Variants in CBL observed in about 807,000 individuals in gnomAD.
CBL encodes the protein E3 ubiquitin-protein ligase CBL.
Under a neutral mutation model 96.9 loss-of-function variants are expected in CBL, and 45 were observed. That is an observed-to-expected ratio of 0.46 (90% confidence interval 0.37 to 0.60). The LOEUF is 0.60. CBL is among the 20% of genes least tolerant of loss of function. The pLI is 0.00. For missense variants in CBL, 1,024 were observed against 1,143.5 expected, an observed-to-expected ratio of 0.90 and a Z score of 1.51; for synonymous variants, 420 against 426.8, an observed-to-expected ratio of 0.98 and a Z score of 0.20.
intron 2 of CBL, among the ~76,000 whole-genome samples, chr11:119,243,257 G>A (rs1041113414): frequency 2.0e-5 from 3 of 152,136 alleles, no homozygotes; most frequent in African/African-American, 7.2e-5. Context: ...CAGCCTGGAC[G>A]ACAGAGCAAG....
At chr11:119,267,015 C>T (rs563463553) in intron 2 of CBL, among the ~76,000 whole-genome samples, 7 of 152,286 alleles carry the variant, frequency 4.6e-5, no homozygotes, top group Admixed American at 2.0e-4. Flanking sequence ...ATGTCTGTAT[C>T]ATACCTCATT....
chr11:119,220,793 A>G (rs1396691676), intron 1 of CBL, among the ~76,000 whole-genome samples: 3 of 152,220 alleles, frequency 2.0e-5, no homozygotes, highest in Non-Finnish European at 4.4e-5. Context: ...AGTAACTACA[A>G]TTCAAGAACC....
intron 12 of CBL, among the ~76,000 whole-genome samples, chr11:119,290,619 C>CA (rs113629941): frequency 2.4e-4 from 32 of 134,136 alleles, no homozygotes; most frequent in Middle Eastern, 7.7e-3. Flanking sequence ...GACTCTGTCT[C>CA]AAAAAAAAAA....
At chr11:119,224,848 T>A (rs1401026995) in intron 1 of CBL, among the ~76,000 whole-genome samples, 2 of 151,944 alleles carry the variant, frequency 1.3e-5, no homozygotes, top group African/African-American at 4.8e-5. Flanking sequence ...GGTTGGCTGC[T>A]GTCTCGGGTG....
At chr11:119,263,335 G>T (rs1032310533) in intron 2 of CBL, among the ~76,000 whole-genome samples, 12 of 152,336 alleles carry the variant, frequency 7.9e-5, no homozygotes, top group Middle Eastern at 3.4e-3. Context: ...GGGGGAGTAA[G>T]GAGATTGAGT....
At chr11:119,249,859 G>C (rs1949658508) in intron 2 of CBL, among the ~76,000 whole-genome samples, 1 of 151,618 alleles carries the variant, frequency 6.6e-6, no homozygotes, top group Non-Finnish European at 1.5e-5. Context: ...TCATTATGTT[G>C]CCCAGGCTGG....
intron 11 of CBL, among the ~76,000 whole-genome samples, chr11:119,286,599 G>T (rs1402966325): frequency 6.6e-6 from 1 of 152,126 alleles, no homozygotes; most frequent in East Asian, 1.9e-4. Context: ...CAGAAATTTT[G>T]TCAGTAGGAG....
chr11:119,249,827 A>T (rs936530752), intron 2 of CBL, among the ~76,000 whole-genome samples: 3 of 151,556 alleles, frequency 2.0e-5, no homozygotes, highest in African/African-American at 7.3e-5. Context: ...AGACTAACTT[A>T]TTTTTTTGTA....
In CBL at chr11:119,307,294, TTCCAAGTG is replaced by T. The variant is rs762488818; in HGVS notation, c.*7517_*7524del. On this transcript the variant is annotated 3_prime_UTR_variant, in exon 16 of 16. Transcript: ENST00000264033. ...CAATTCCCAGGTAAACTCTGGACCA[TTCCAAGTG>T]TCCTAGCCTTCTGATGACATTAATT... 93 of 232,770 alleles carry T rather than the reference TTCCAAGTG, an allele frequency of 4.0e-4. No homozygotes were observed. The highest frequency in any genetic ancestry group is 2.5e-3 in the Middle Eastern group (2 of 802). 14.4% of individuals were successfully genotyped at this position (232,770 alleles called of 1,614,324 possible).
chr11:119,293,355 A>G (rs1950042651), intron 12 of CBL, among the ~76,000 whole-genome samples: 1 of 151,762 alleles, frequency 6.6e-6, no homozygotes, highest in Non-Finnish European at 1.5e-5. Flanking sequence ...TGATCCACCC[A>G]CCTTTGCCTC....
intron 2 of CBL, among the ~76,000 whole-genome samples, chr11:119,269,191 G>T (rs1203070043): frequency 6.6e-6 from 1 of 150,780 alleles, no homozygotes; most frequent in African/African-American, 2.4e-5. Flanking sequence ...ATAATCAAAG[G>T]ATCTCAAGGT....
chr11:119,263,399 G>A (rs1658049145), intron 2 of CBL, among the ~76,000 whole-genome samples: 1 of 152,182 alleles, frequency 6.6e-6, no homozygotes, highest in African/African-American at 2.4e-5. Context: ...AGGCTCTCAT[G>A]TGGGTTGCTG....
intron 12 of CBL, among the ~76,000 whole-genome samples, chr11:119,296,455 ATCTC>A (rs915829759): frequency 5.3e-5 from 8 of 151,832 alleles, no homozygotes; most frequent in African/African-American, 1.7e-4. Context: ...CGGTCGCTTT[ATCTC>A]TCTCTATTTT....
intron 2 of CBL, among the ~76,000 whole-genome samples, chr11:119,258,657 C>T (rs1308201536): frequency 6.6e-6 from 1 of 152,128 alleles, no homozygotes; most frequent in African/African-American, 2.4e-5. Context: ...ATACCTGTAC[C>T]ATACTGTTTT....
Position 119,285,060 on chromosome 11 carries a change from G to A in CBL, c.1523G>A (p.Cys508Tyr), listed in dbSNP as rs2135310108. The change falls in exon 10 of 16, where the codon TGT (cysteine) becomes TAT (tyrosine). Residue 508 changes from cysteine to tyrosine, a missense_variant. Physicochemically the swap from Cys to Tyr is radical, Grantham distance 194. Coordinates refer to ENST00000264033, the MANE Select transcript of CBL (RefSeq NM_005188.4). ...PRLDLLPQRV[C>Y]VPSSASALGT... ...CTTGACCTTCTGCCGCAGCGAGTAT[G>A]TGTTCCCTCAAGTGCTTCTGCTCTT... 9 of 1,614,178 alleles carry A rather than the reference G, an allele frequency of 5.6e-6. No homozygotes were observed. The highest frequency in any genetic ancestry group is 1.1e-5 in the South Asian group (1 of 91,082).
chr11:119,230,456 T>A (rs1241811610), intron 1 of CBL, among the ~76,000 whole-genome samples: 2 of 152,186 alleles, frequency 1.3e-5, no homozygotes, highest in Admixed American at 1.3e-4. Context: ...TAGGTATTTT[T>A]AAATGTGAAA....
intron 1 of CBL, among the ~76,000 whole-genome samples, chr11:119,214,322 G>A (rs969762735): frequency 6.6e-6 from 1 of 151,452 alleles, no homozygotes; most frequent in Non-Finnish European, 1.5e-5. Flanking sequence ...AATGAGTGGC[G>A]TGATCTCACC....
chr11:119,234,347 G>A (rs368142961), intron 2 of CBL, among the ~76,000 whole-genome samples: 4 of 152,110 alleles, frequency 2.6e-5, no homozygotes, highest in South Asian at 2.1e-4. Context: ...AATTCAATCC[G>A]TAAGAGCCTT....
In CBL at chr11:119,299,818, G is replaced by A. The variant is rs1298917171; in HGVS notation, c.*37G>A. ...CCTGCTGCAGGTTTAGAGGACCAGT[G>A]AGTTGGGAGTTATTACTCAAGTGGC... On this transcript the variant is annotated 3_prime_UTR_variant, in exon 16 of 16. Transcript: ENST00000264033. 3.7e-6 allele frequency: 6 copies of A among 1,606,250 alleles called. No individual in the cohort carries two copies. The East Asian group carries it at 1.1e-4, about 30-fold the overall frequency.
Sources: allele counts gnomAD v4.1 joint callset (sites outside exome capture counted in the v4.1 genomes callset), GRCh38; gene constraint gnomAD v4.1.1; transcripts MANE v1.5; gene names NCBI Gene and HGNC (gene_info 2026-07-23, HGNC 2026-07-21).